FRMD5: variants seen among roughly 807,000 people sequenced by gnomAD.
FRMD5 encodes the protein FERM domain-containing protein 5.
A neutral mutation model predicts 69.0 loss-of-function variants in FRMD5; 20 were observed. That is an observed-to-expected ratio of 0.29 (90% confidence interval 0.20 to 0.42). The LOEUF is 0.42. Ranked by LOEUF, FRMD5 falls within the 10% of genes least tolerant of loss-of-function variation. FRMD5 has a pLI of 1.00. For synonymous variants in FRMD5, 271 were observed against 260.1 expected (o/e 1.04, Z -0.40); for missense variants, 595 against 708.6 (o/e 0.84, Z 1.82).
At chr15:44,130,778 G>A (rs374249819) in intron 1 of FRMD5, among the ~76,000 whole-genome samples, 1 of 152,066 alleles carries the variant, frequency 6.6e-6, no homozygotes, top group Admixed American at 6.6e-5. Context: ...AGCACAAAAT[G>A]CATAGATTTA....
chr15:44,175,319 T>C (rs957310896), intron 1 of FRMD5, among the ~76,000 whole-genome samples: 1 of 152,302 alleles, frequency 6.6e-6, no homozygotes, highest in African/African-American at 2.4e-5. Context: ...ATGAACTCTT[T>C]CAAGTCTCTT....
chr15:43,921,603 C>T (rs539128784), intron 2 of FRMD5, among the ~76,000 whole-genome samples: 1 of 152,242 alleles, frequency 6.6e-6, no homozygotes, highest in East Asian at 1.9e-4. Flanking sequence ...TGGCTTTTTG[C>T]AAATGCCTGA....
intron 1 of FRMD5, among the ~76,000 whole-genome samples, chr15:44,080,142 T>C (rs1195693990): frequency 6.6e-6 from 1 of 152,106 alleles, no homozygotes; most frequent in Non-Finnish European, 1.5e-5. Flanking sequence ...AAGTGAAGCA[T>C]GTGACTGAGG....
At chr15:44,115,516 T>C (rs1007894521) in intron 1 of FRMD5, among the ~76,000 whole-genome samples, 8 of 152,214 alleles carry the variant, frequency 5.3e-5, no homozygotes, top group Non-Finnish European at 1.2e-4. Context: ...GAGTCAATCA[T>C]ACATAGGGAT....
At chr15:44,031,450 A>C (rs1891678691) in intron 1 of FRMD5, among the ~76,000 whole-genome samples, 3 of 152,158 alleles carry the variant, frequency 2.0e-5, no homozygotes, top group African/African-American at 7.2e-5. Flanking sequence ...GGTGCCAGCC[A>C]TTCATGGTGT....
chr15:44,037,469 C>CTTTT (rs777164587), intron 1 of FRMD5, among the ~76,000 whole-genome samples: 1 of 137,554 alleles, frequency 7.3e-6, no homozygotes, highest in Non-Finnish European at 1.6e-5. Context: ...TGTCTTTTCT[C>CTTTT]TTTTTTTTTT....
intron 6 of FRMD5, among the ~76,000 whole-genome samples, chr15:43,904,598 C>T (rs1209757497): frequency 6.6e-6 from 1 of 152,062 alleles, no homozygotes; most frequent in Non-Finnish European, 1.5e-5. Context: ...AGGCTGGTCT[C>T]GAACTTCTGA....
intron 8 of FRMD5, 79 bp downstream of exon 8, chr15:43,891,902 A>C (rs1010228464): frequency 1.7e-6 from 2 of 1,200,634 alleles, no homozygotes; most frequent in Non-Finnish European, 2.5e-6. Flanking sequence ...GCCCAATCAC[A>C]GACAAAGGAC....
At chr15:44,105,185 T>C (rs997870174) in intron 1 of FRMD5, among the ~76,000 whole-genome samples, 1 of 151,872 alleles carries the variant, frequency 6.6e-6, no homozygotes, top group Non-Finnish European at 1.5e-5. Flanking sequence ...CAAGTGATCT[T>C]CTCACCTCAG....
At chr15:43,989,556 G>T in intron 1 of FRMD5, 1 of 871,920 alleles carries the variant, frequency 1.1e-6, no homozygotes, top group Non-Finnish European at 2.0e-6. Flanking sequence ...TTGATGTCAT[G>T]CACAATTTCC....
At chr15:43,895,576 A>G (rs2088893634) in intron 7 of FRMD5, among the ~76,000 whole-genome samples, 1 of 152,254 alleles carries the variant, frequency 6.6e-6, no homozygotes, top group African/African-American at 2.4e-5. Flanking sequence ...ATGAGATGCC[A>G]CATCATTTCA....
rs117532200 is a variant in FRMD5, at chr15:44,159,477, G to A, written c.102+35476C>T. Among the ~76,000 whole-genome samples, 346 of 152,306 alleles carry A rather than the reference G, an allele frequency of 2.3e-3. 8 individuals carry two copies. In the East Asian group the frequency reaches 0.057, roughly 25 times the overall value. ...TGAGAAATTAAGGTCTAAATTCTGAGAGGCAGTGAGACAAAAGGAATGAAT... is the reference window on the plus strand; with the variant it reads ...TGAGAAATTAAGGTCTAAATTCTGAAAGGCAGTGAGACAAAAGGAATGAAT... On this transcript the variant is annotated intron_variant, in intron 1 of 13. Coordinates refer to ENST00000417257, the MANE Select transcript of FRMD5 (RefSeq NM_032892.5).
At chr15:43,913,820 G>A (rs1345926446) in intron 4 of FRMD5, among the ~76,000 whole-genome samples, 1 of 152,192 alleles carries the variant, frequency 6.6e-6, no homozygotes, top group Non-Finnish European at 1.5e-5. Context: ...CTCGGCCCAT[G>A]GTAATTCACT....
intron 1 of FRMD5, among the ~76,000 whole-genome samples, chr15:43,938,446 A>G (rs2089802130): frequency 6.6e-6 from 1 of 152,222 alleles, no homozygotes; most frequent in African/African-American, 2.4e-5. Flanking sequence ...CATTCTTTCC[A>G]AACGCTAGAC....
intron 1 of FRMD5, among the ~76,000 whole-genome samples, chr15:44,014,870 A>C (rs1890886618): frequency 6.6e-6 from 1 of 152,256 alleles, no homozygotes; most frequent in Admixed American, 6.5e-5. Flanking sequence ...GGCATGTGTA[A>C]GTTGCTGATT....
chr15:43,909,854 G>A, intron 5 of FRMD5, 28 bp downstream of exon 5: 1 of 1,421,244 alleles, frequency 7.0e-7, no homozygotes, highest in Non-Finnish European at 9.9e-7. Flanking sequence ...GGCATGAAAA[G>A]CAAACTTATC....
intron 1 of FRMD5, among the ~76,000 whole-genome samples, chr15:44,035,376 A>G (rs1044982022): frequency 6.6e-6 from 1 of 152,194 alleles, no homozygotes; most frequent in Non-Finnish European, 1.5e-5. Context: ...ACATTTACAC[A>G]TCTAGAACAT....
At chr15:43,882,898 C>A (rs1021858134) in intron 13 of FRMD5, among the ~76,000 whole-genome samples, 6 of 151,498 alleles carry the variant, frequency 4.0e-5, no homozygotes, top group Non-Finnish European at 5.9e-5. Flanking sequence ...CTCTGCCTTC[C>A]GGGTTCAAGC....
intron 1 of FRMD5, among the ~76,000 whole-genome samples, chr15:43,999,023 T>A (rs1281051335): frequency 6.6e-6 from 1 of 152,198 alleles, no homozygotes; most frequent in Non-Finnish European, 1.5e-5. Flanking sequence ...GATAATTTCA[T>A]TCCTCAGCTG....
Sources: allele counts gnomAD v4.1 joint callset (sites outside exome capture counted in the v4.1 genomes callset), GRCh38; gene constraint gnomAD v4.1.1; transcripts MANE v1.5; gene names NCBI Gene and HGNC (gene_info 2026-07-23, HGNC 2026-07-21).